CREB5: variants seen among roughly 807,000 people sequenced by gnomAD.
CREB5 encodes the protein cyclic AMP-responsive element-binding protein 5.
A neutral mutation model predicts 57.1 loss-of-function variants in CREB5; 19 were observed. The observed-to-expected ratio is 0.33, with a 90% confidence interval of 0.23 to 0.49. CREB5 has a LOEUF of 0.49. Ranked by LOEUF, CREB5 falls within the 20% of genes least tolerant of loss-of-function variation. The pLI is 0.99. For missense variants in CREB5, 579 were observed against 671.6 expected (o/e 0.86, Z 1.52); for synonymous variants, 238 against 238.3 (o/e 1.00, Z 0.01).
chr7:28,411,792 G>A (rs1224481002), upstream of CREB5, among the ~76,000 whole-genome samples: 1 of 152,302 alleles, frequency 6.6e-6, no homozygotes, highest in South Asian at 2.1e-4. Context: ...TGTAGGGTAG[G>A]CATTTGTGAA....
At chr7:28,407,900 T>C (rs1367889978), upstream of CREB5, among the ~76,000 whole-genome samples, 2 of 152,260 alleles carry the variant, frequency 1.3e-5, no homozygotes, top group Non-Finnish European at 2.9e-5. Flanking sequence ...ATGGTTGTGA[T>C]GCATTGGGAT....
chr7:28,630,306 G>C (rs1172181762), intron 5 of CREB5, among the ~76,000 whole-genome samples: 1 of 152,108 alleles, frequency 6.6e-6, no homozygotes. Flanking sequence ...CATTTGTCAT[G>C]ATTCTGTAGT....
chr7:28,746,398 C>A (rs79241653), intron 7 of CREB5, among the ~76,000 whole-genome samples: 1 of 152,158 alleles, frequency 6.6e-6, no homozygotes, highest in Non-Finnish European at 1.5e-5. Context: ...TAATCTAAGG[C>A]CTTGCTGCTC....
intron 1 of CREB5, among the ~76,000 whole-genome samples, chr7:28,321,518 A>G (rs1250430956): frequency 6.6e-6 from 1 of 152,212 alleles, no homozygotes; most frequent in African/African-American, 2.4e-5. Flanking sequence ...CTGGGCAAGT[A>G]TAGACTCACA....
At chr7:28,469,203 C>A (rs771826674) in intron 1 of CREB5, among the ~76,000 whole-genome samples, 1 of 152,092 alleles carries the variant, frequency 6.6e-6, no homozygotes, top group East Asian at 1.9e-4. Flanking sequence ...CCTGGGCAAC[C>A]GGCAAGACCC....
chr7:28,764,654 G>A (rs1805856569), intron 7 of CREB5, among the ~76,000 whole-genome samples: 1 of 152,150 alleles, frequency 6.6e-6, no homozygotes, highest in Non-Finnish European at 1.5e-5. Flanking sequence ...ATATTGATTT[G>A]TAAAGCTACT....
rs199608009 is a variant in CREB5 at position 28,570,457 on chromosome 7, C to T, written c.384C>T (p.Asn128=). ...SSARLPNHDT[N]VVIQQAMPSP... ...CTCGGCTGCCCAACCATGACACCAA[C>T]GTTGTGATTCAGCAAGCCATGCCGT... is the stretch of plus-strand genomic sequence containing the variant. The change falls in exon 5 of 11, where the codon AAC becomes AAT. Residue 128 remains asparagine, a synonymous_variant. Coordinates refer to ENST00000357727, the MANE Select transcript of CREB5 (RefSeq NM_182898.4). 18 of 1,614,064 alleles carry T rather than the reference C, an allele frequency of 1.1e-5. No individual in the cohort carries two copies. Among genetic ancestry groups the T allele is most frequent in the Admixed American group, 5.0e-5 (3 of 60,004 alleles).
intron 1 of CREB5, among the ~76,000 whole-genome samples, chr7:28,315,181 G>A (rs1292920182): frequency 6.6e-6 from 1 of 152,156 alleles, no homozygotes; most frequent in Non-Finnish European, 1.5e-5. Context: ...CCAAGGCAAC[G>A]ACTTCCTGTG....
chr7:28,580,594 A>AGT (rs1562809995), intron 5 of CREB5, among the ~76,000 whole-genome samples: 1 of 122,254 alleles, frequency 8.2e-6, no homozygotes, highest in East Asian at 2.5e-4. Context: ...TGTGTGTGTG[A>AGT]GAGAGAGATA....
chr7:28,819,023 TAC>T, intron 10 of CREB5, 91 bp from the exon 11 acceptor site: 12 of 1,341,466 alleles, frequency 8.9e-6, no homozygotes, highest in Non-Finnish European at 1.1e-5. Flanking sequence ...AAATATCTAG[TAC>T]AGTTTCTCTG....
intron 4 of CREB5, among the ~76,000 whole-genome samples, chr7:28,561,009 T>C (rs113241245): frequency 0.013 from 638 of 49,156 alleles, 63 homozygotes; most frequent in Middle Eastern, 0.024. Flanking sequence ...CGTGTGCGTG[T>C]GTGTGTGCGT....
Position 28,324,466 on chromosome 7 carries a change from T to TA in CREB5, c.-25+25032dup, listed in dbSNP as rs372694218. On this transcript the variant is annotated intron_variant, in intron 1 of 9. Transcript: ENST00000396299. Reference sequence around the variant, plus strand: ...TATTGCCTCATTTTTGATATGCCTTTAAAAAAATATCTTGACTTTCATGAT... The same window carrying TA: ...TATTGCCTCATTTTTGATATGCCTTTAAAAAAAATATCTTGACTTTCATGAT... Among the ~76,000 whole-genome samples the TA allele has an allele frequency of 8.8e-3, 1,340 of 152,198 alleles. 4 individuals are homozygous for TA. Among genetic ancestry groups the TA allele is most frequent in the Admixed American group, 0.016 (249 of 15,286 alleles).
At chr7:28,539,586 A>T (rs1259127965) in intron 4 of CREB5, among the ~76,000 whole-genome samples, 1 of 152,216 alleles carries the variant, frequency 6.6e-6, no homozygotes, top group Non-Finnish European at 1.5e-5. Flanking sequence ...AAGAAGTAAT[A>T]GTTTTGCAAT....
At chr7:28,791,966 C>G (rs1023495213) in intron 7 of CREB5, among the ~76,000 whole-genome samples, 2 of 151,956 alleles carry the variant, frequency 1.3e-5, no homozygotes. Context: ...GAAATGGAGA[C>G]GTAAAAAGAT....
intron 1 of CREB5, among the ~76,000 whole-genome samples, chr7:28,306,568 T>TTTTTTTTTTTTTTG (rs1785191302): frequency 1.4e-4 from 18 of 132,710 alleles, no homozygotes; most frequent in South Asian, 2.6e-4. Context: ...TTTTTTTTTT[T>TTTTTTTTTTTTTTG]TTTTTTTTTT....
chr7:28,541,820 A>C (rs75902641), intron 4 of CREB5, among the ~76,000 whole-genome samples: 52 of 152,360 alleles, frequency 3.4e-4, no homozygotes, highest in African/African-American at 1.3e-3. Flanking sequence ...TTTTTACTTA[A>C]CCAGTTAACA....
intron 1 of CREB5, among the ~76,000 whole-genome samples, chr7:28,334,595 T>C (rs768601838): frequency 3.0e-4 from 46 of 152,260 alleles, no homozygotes; most frequent in Non-Finnish European, 6.2e-4. Context: ...ACTCTGGTTA[T>C]TAATCTCTGG....
chr7:28,519,873 A>G (rs1736209558), intron 4 of CREB5, among the ~76,000 whole-genome samples: 1 of 152,248 alleles, frequency 6.6e-6, no homozygotes, highest in South Asian at 2.1e-4. Context: ...AGGATGCCAA[A>G]CAAACATAAC....
At chr7:28,611,951 T>A (rs186681972) in intron 5 of CREB5, among the ~76,000 whole-genome samples, 1 of 152,178 alleles carries the variant, frequency 6.6e-6, no homozygotes, top group African/African-American at 2.4e-5. Flanking sequence ...GAAGGAAAAG[T>A]AAGTAATACT....
Sources: gnomAD v4.1 joint callset for allele counts (sites outside exome capture counted in the v4.1 genomes callset) on GRCh38, gnomAD v4.1.1 for gene constraint, MANE v1.5 for transcripts, NCBI Gene and HGNC (gene_info 2026-07-23, HGNC 2026-07-21) for gene names.